WEE1: variants seen among roughly 807,000 people sequenced by gnomAD.
WEE1 encodes the protein wee1-like protein kinase.
Under a neutral mutation model 68.8 loss-of-function variants are expected in WEE1, and 16 were observed. That is an observed-to-expected ratio of 0.23 (90% CI 0.16 to 0.35). The LOEUF is 0.35. Ranked by LOEUF, WEE1 falls within the 10% of genes least tolerant of loss-of-function variation. The pLI is 1.00. For synonymous variants in WEE1, 349 were observed against 318.7 expected, an observed-to-expected ratio of 1.09 and a Z score of -1.01; for missense variants, 651 against 824.1, an observed-to-expected ratio of 0.79 and a Z score of 2.57.
rs1849542225 is a variant in WEE1, at chr11:9,574,537, C to CGGCCGGGGCCGCGGCGCCGGAGG, written c.576+33_576+55dup. ...GAGAGCGGCGGGCGCGGGCACCCGG[C>CGGCCGGGGCCGCGGCGCCGGAGG]GGCCGGGGCCGCGGCGCCGGAGGGG... On this transcript the variant is annotated intron_variant, in intron 1 of 10. Coordinates refer to ENST00000450114, the MANE Select transcript of WEE1 (RefSeq NM_003390.4). This position sits in a 1 kb window ranked among gnomAD's most constrained non-coding sequence, Gnocchi z 4.9. 5.1e-6 allele frequency: 6 copies of CGGCCGGGGCCGCGGCGCCGGAGG among 1,184,970 alleles called. 1 individual carries two copies. In the African/African-American group the frequency reaches 8.2e-5, roughly 16 times the overall value. The allele number at this position is 1,184,970 out of a possible 1,614,324, so 73.4% of individuals were successfully genotyped here. A position where few individuals can be genotyped will look rare whatever the true frequency, so the allele number is the denominator to read the frequency against.
intron 6 of WEE1, among the ~76,000 whole-genome samples, chr11:9,582,981 G>A (rs767645565): frequency 9.2e-5 from 14 of 152,118 alleles, no homozygotes; most frequent in Non-Finnish European, 1.9e-4. Flanking sequence ...CCCTTATAAG[G>A]TATAAAAGTT....
rs1441259976 is a variant in WEE1, at chr11:9,576,379, C to G, written c.846+86C>G. On this transcript the variant is annotated intron_variant, in intron 3 of 10. Transcript: ENST00000450114. This position sits in a 1 kb window ranked among gnomAD's most constrained non-coding sequence, Gnocchi z 4.3. Reference sequence around the variant, plus strand: ...ATGAATATGTTAATAAGCATTAACACATAAGGTAGAATGGTTTTTAAATTT... The same window carrying G: ...ATGAATATGTTAATAAGCATTAACAGATAAGGTAGAATGGTTTTTAAATTT... 1.3e-6 allele frequency: 2 copies of G among 1,543,186 alleles called. No homozygotes were observed. Among genetic ancestry groups the G allele is most frequent in the Non-Finnish European group, 1.8e-6 (2 of 1,141,084 alleles).
In WEE1 at chr11:9,588,957, T is replaced by C. The variant is rs1849732053; in HGVS notation, c.*355T>C. 1.0e-6 allele frequency: 1 copy of C among 988,720 alleles called. No homozygotes were observed. 61.2% of individuals were successfully genotyped at this position (988,720 alleles called of 1,614,324 possible). A position where few individuals can be genotyped will look rare whatever the true frequency, so the allele number is the denominator to read the frequency against. ...GTACTCAAGGGCTTTATTACAGACA[T>C]ACCCTCCCTTTGAAAAGGGACATGC... On this transcript the variant is annotated 3_prime_UTR_variant, in exon 11 of 11. Transcript: ENST00000450114.
chr11:9,583,800 C>CATATATAT (rs1422896964), intron 6 of WEE1, among the ~76,000 whole-genome samples: 1 of 18,172 alleles, frequency 5.5e-5, no homozygotes, highest in African/African-American at 2.3e-4. Context: ...CACACACACA[C>CATATATAT]ACATATATAT....
rs374597379 is a variant in WEE1 at position 9,577,217 on chromosome 11, G to A, written c.1095G>A (p.Ala365=). 127 of 1,613,854 alleles carry A rather than the reference G, an allele frequency of 7.9e-5. No individual in the cohort carries two copies. The highest frequency in any genetic ancestry group is 1.7e-4 in the Middle Eastern group (1 of 6,058). The part of the protein sequence containing the change: ...QHSHVVRYFS[A]WAEDDHMLIQ... ...CTCATGTAGTTCGATATTTCTCTGC[G>A]TGGGCAGAAGATGATCATATGCTTA... Residue 365 remains alanine, a synonymous_variant, in exon 5 of 11, where the codon GCG becomes GCA. Transcript: ENST00000450114.
Position 9,574,708 on chromosome 11 carries a change from C to G in WEE1, c.576+199C>G. The G allele has an allele frequency of 1.9e-6, 2 of 1,070,620 alleles. No homozygotes were observed. The highest frequency in any genetic ancestry group is 4.5e-5 in the South Asian group (1 of 22,054). 66.3% of individuals were successfully genotyped at this position (1,070,620 alleles called of 1,614,324 possible). ...GATTATGTAACTGAACAATGGGCCT[C>G]GTCTGGAACTTCATCTTACAAAGGG... On this transcript the variant is annotated intron_variant, in intron 1 of 10. Transcript: ENST00000450114. This position sits in a 1 kb window ranked among gnomAD's most constrained non-coding sequence, Gnocchi z 4.9.
chr11:9,577,972 G>A, intron 5 of WEE1: 1 of 447,618 alleles, frequency 2.2e-6, no homozygotes, highest in Non-Finnish European at 4.4e-6. Context: ...CAGAATTCTG[G>A]TTCTTATGGA....
In WEE1 at chr11:9,576,566, A is replaced by C. The variant is rs751983981; in HGVS notation, c.926A>C (p.Glu309Ala). The change falls in exon 4 of 11, where the codon GAA (glutamate) becomes GCA (alanine). Residue 309 changes from glutamate (E) to alanine (A), a missense_variant. Glu to Ala is a moderately radical substitution (Grantham distance 107). This residue lies in a region of WEE1 where 41 missense variants were observed against 125.6 expected (regional missense o/e 0.33). Transcript: ENST00000450114. This position sits in a 1 kb window ranked among gnomAD's most constrained non-coding sequence, Gnocchi z 4.3. ...FHELEKIGSG[E>A]FGSVFKCVKR... ...GAGCTAGAGAAAATCGGCTCTGGAG[A>C]ATTTGGTTCTGTATTTAAGTGTGTG... The C allele has an allele frequency of 3.7e-6, 6 of 1,613,890 alleles. No homozygotes were observed. The Admixed American group carries it at 8.3e-5, about 22-fold the overall frequency.
intron 6 of WEE1, among the ~76,000 whole-genome samples, chr11:9,583,881 TG>T (rs796677548): frequency 4.0e-4 from 57 of 143,686 alleles, no homozygotes; most frequent in African/African-American, 1.4e-3. Flanking sequence ...GGTCTTGCTC[TG>T]TTGCCCAGGC....
At chr11:9,578,109 A>G (rs887547083) in intron 5 of WEE1, 2 of 325,686 alleles carry the variant, frequency 6.1e-6, no homozygotes, top group African/African-American at 4.4e-5. Flanking sequence ...TTGTTACGAC[A>G]TCAGCACATT....
At position 9,589,211 on chromosome 11, in the gene WEE1, G is replaced by C; in HGVS notation, c.*609G>C. 3.0e-6 allele frequency: 3 copies of C among 984,906 alleles called. No individual in the cohort carries two copies. Among genetic ancestry groups the C allele is most frequent in the Non-Finnish European group, 3.6e-6 (3 of 829,734 alleles). The allele number at this position is 984,906 out of a possible 1,614,324, so 61.0% of individuals were successfully genotyped here. ...ATTAAACAATCATTGTTGTTAATAG[G>C]TCTTCTTTTTGAAACAATTATGTGA... On this transcript the variant is annotated 3_prime_UTR_variant, in exon 11 of 11. Transcript: ENST00000450114.
At chr11:9,584,854 A>G (rs977557516) in intron 6 of WEE1, among the ~76,000 whole-genome samples, 2 of 152,196 alleles carry the variant, frequency 1.3e-5, no homozygotes, top group African/African-American at 4.8e-5. Context: ...AAGCTGGAGG[A>G]TCACTTGAGG....
At chr11:9,587,973 TA>T (rs1849719924) in intron 10 of WEE1, among the ~76,000 whole-genome samples, 1 of 97,442 alleles carries the variant, frequency 1.0e-5, no homozygotes, top group Non-Finnish European at 2.5e-5. Context: ...TATTTATTTT[TA>T]ATTTTTTTTT....
At chr11:9,577,408 A>G (rs1394202489) in intron 5 of WEE1, 145 bp downstream of exon 5, 2 of 1,066,348 alleles carry the variant, frequency 1.9e-6, no homozygotes, top group Non-Finnish European at 2.7e-6. Flanking sequence ...TTTCAAGTAC[A>G]AGGTTAAAAA....
In WEE1 at chr11:9,586,437, T is replaced by G. The variant is rs747601404; in HGVS notation, c.1471-12T>G. ...GTTTACATTCCTTTAAAAAATTGTT[T>G]TAATTTTACAGAATTATACCCATCT... is the stretch of plus-strand genomic sequence containing the variant. On this transcript the variant is annotated splice_polypyrimidine_tract_variant and intron_variant, in intron 8 of 10. Coordinates refer to ENST00000450114, the MANE Select transcript of WEE1 (RefSeq NM_003390.4). 1.1e-5 allele frequency: 17 copies of G among 1,598,586 alleles called. No individual in the cohort carries two copies. The Admixed American group carries it at 2.8e-4, about 27-fold the overall frequency.
chr11:9,588,156 A>G (rs1849723581), intron 10 of WEE1, among the ~76,000 whole-genome samples: 1 of 152,304 alleles, frequency 6.6e-6, no homozygotes, highest in Non-Finnish European at 1.5e-5. Context: ...CTGAGACTAC[A>G]GGTGTGAGTC....
chr11:9,581,465 T>G (rs1473476880), intron 5 of WEE1, 67 bp from the exon 6 acceptor site: 6 of 1,471,534 alleles, frequency 4.1e-6, no homozygotes, highest in Non-Finnish European at 5.5e-6. Flanking sequence ...GAGACTCATT[T>G]GGTAAAGATG....
chr11:9,576,401 A>G lies in WEE1; in HGVS notation c.847-86A>G, dbSNP rs1231897404. 1.3e-6 allele frequency: 2 copies of G among 1,556,092 alleles called. No individual in the cohort carries two copies. Among genetic ancestry groups the G allele is most frequent in the African/African-American group, 1.4e-5 (1 of 72,538 alleles). On this transcript the variant is annotated intron_variant, in intron 3 of 10. Transcript: ENST00000450114. The surrounding 1 kb of genome is among the most constrained non-coding windows in gnomAD (Gnocchi z 4.3). ...ACACATAAGGTAGAATGGTTTTTAA[A>G]TTTCACACATAGCCCTATCACCATA...
chr11:9,578,882 TATTTA>T (rs1849593063), intron 5 of WEE1: 1 of 29,724 alleles, frequency 3.4e-5, no homozygotes, highest in Non-Finnish European at 8.8e-5. Flanking sequence ...AATAAGTTTT[TATTTA>T]TTTATTTATT....
Sources: gnomAD v4.1 joint callset for allele counts (sites outside exome capture counted in the v4.1 genomes callset) on GRCh38, gnomAD v4.1.1 for gene constraint, gnomAD v4.1.1 regional missense constraint, Gnocchi (gnomAD v3.1) non-coding constraint, MANE v1.5 for transcripts, NCBI Gene and HGNC (gene_info 2026-07-23, HGNC 2026-07-21) for gene names.